The following ARHGAP20 variants were observed in gnomAD, a reference collection of about 807,000 sequenced individuals.
ARHGAP20 encodes rho GTPase-activating protein 20.
A neutral mutation model predicts 73.7 loss-of-function variants in ARHGAP20; 34 were observed. The ratio of observed to expected loss-of-function variants is 0.46; its 90% CI spans 0.35 to 0.61. The LOEUF is 0.61. Ranked by LOEUF, ARHGAP20 falls within the 20% of genes least tolerant of loss-of-function variation. The pLI is 0.00. For missense variants in ARHGAP20, 1,314 were observed against 1,420.9 expected, an observed-to-expected ratio of 0.92 and a Z score of 1.21; for synonymous variants, 523 against 518.2, an observed-to-expected ratio of 1.01 and a Z score of -0.13.
At chr11:110,698,256 C>A (rs1403559202) in intron 1 of ARHGAP20, among the ~76,000 whole-genome samples, 2 of 151,780 alleles carry the variant, frequency 1.3e-5, no homozygotes, top group African/African-American at 2.4e-5. Context: ...ATCATTGCAT[C>A]CCTGGGATAA....
rs996196795 is a variant in ARHGAP20, at chr11:110,691,982, G to C, written c.106-1353C>G. 2.6e-5 allele frequency among the ~76,000 whole-genome samples: 4 copies of C among 152,106 alleles called. No homozygotes were observed. The East Asian group carries it at 5.8e-4, about 22-fold the overall frequency. On this transcript the variant is annotated intron_variant, in intron 1 of 14. Coordinates refer to ENST00000683387, the MANE Select transcript of ARHGAP20 (RefSeq NM_001384657.1). ...CAGGTTACTTATATAAAAATTTTTT[G>C]CATGATGTATATGTGATGTCTTCCT...
chr11:110,600,760 G>T (rs1309972091), intron 9 of ARHGAP20, among the ~76,000 whole-genome samples: 1 of 152,208 alleles, frequency 6.6e-6, no homozygotes, highest in Admixed American at 6.5e-5. Flanking sequence ...TCAGAACTTT[G>T]AATGTCTATA....
chr11:110,672,775 T>C (rs919575872), intron 2 of ARHGAP20, among the ~76,000 whole-genome samples: 2 of 152,234 alleles, frequency 1.3e-5, no homozygotes, highest in Non-Finnish European at 2.9e-5. Flanking sequence ...TCATACATCG[T>C]TGATAGGTAT....
At chr11:110,603,955 A>C (rs764203817) in intron 9 of ARHGAP20, among the ~76,000 whole-genome samples, 1 of 152,166 alleles carries the variant, frequency 6.6e-6, no homozygotes, top group Non-Finnish European at 1.5e-5. Flanking sequence ...ATTCCAACTA[A>C]GTGAAATGTT....
At chr11:110,619,311 TAG>T (rs1257745021) in intron 4 of ARHGAP20, among the ~76,000 whole-genome samples, 1 of 141,108 alleles carries the variant, frequency 7.1e-6, no homozygotes, top group East Asian at 2.1e-4. Context: ...AGCATATATG[TAG>T]AGTGTATGCA....
intron 7 of ARHGAP20, among the ~76,000 whole-genome samples, chr11:110,610,569 G>A (rs751871409): frequency 1.3e-5 from 2 of 152,074 alleles, no homozygotes; most frequent in African/African-American, 4.8e-5. Context: ...ATTGTGTGGT[G>A]TTTATACAAC....
At chr11:110,687,063 CACACACACACACACATATATATAG>C (rs1175207125) in intron 2 of ARHGAP20, among the ~76,000 whole-genome samples, 2 of 100,870 alleles carry the variant, frequency 2.0e-5, no homozygotes, top group African/African-American at 4.6e-5. Flanking sequence ...TATAGACACA[CACACACACACACACATATATATAG>C]ACACACACAC....
chr11:110,667,772 G>A lies in ARHGAP20; in HGVS notation c.188+22775C>T, dbSNP rs567318227. Among the ~76,000 whole-genome samples, 8 of 152,326 alleles carry A rather than the reference G, an allele frequency of 5.3e-5. No homozygotes were observed. In the South Asian group the frequency reaches 1.7e-3, roughly 32 times the overall value. On this transcript the variant is annotated intron_variant, in intron 2 of 14. Transcript: ENST00000683387. The stretch of plus-strand genomic sequence containing the variant: ...CAATATTAATAGGAGTTTGGAAGAA[G>A]TTGATTCCAACCCTCATGGATGACT...
intron 2 of ARHGAP20, among the ~76,000 whole-genome samples, chr11:110,650,730 C>G (rs1949331599): frequency 6.6e-6 from 1 of 151,862 alleles, no homozygotes; most frequent in African/African-American, 2.4e-5. Flanking sequence ...TTCAAGTGAT[C>G]AAAGCATTCT....
rs139471541 is a variant in ARHGAP20, at chr11:110,588,237, T to C, written c.1306-1912A>G. Among the ~76,000 whole-genome samples the C allele has an allele frequency of 8.1e-3, 1,234 of 152,310 alleles. 18 individuals carry two copies. Among genetic ancestry groups the C allele is most frequent in the African/African-American group, 0.028 (1,170 of 41,576 alleles). The stretch of plus-strand genomic sequence containing the variant: ...CACCAGCTCACAGCACTTAGTTGAA[T>C]GTCTCCTCTCCTCCAAAACCAGAGC... On this transcript the variant is annotated intron_variant, in intron 11 of 14. Coordinates refer to ENST00000683387, the MANE Select transcript of ARHGAP20 (RefSeq NM_001384657.1).
chr11:110,582,292 AC>A, intron 14 of ARHGAP20, 28 bp downstream of exon 14: 1 of 1,547,378 alleles, frequency 6.5e-7, no homozygotes, highest in Non-Finnish European at 8.9e-7. Flanking sequence ...TCTGTTTCTC[AC>A]AAAAACCAAT....
chr11:110,675,165 C>T (rs981713915), intron 2 of ARHGAP20, among the ~76,000 whole-genome samples: 2 of 152,162 alleles, frequency 1.3e-5, no homozygotes, highest in Non-Finnish European at 2.9e-5. Flanking sequence ...CCTTGTCTGT[C>T]TTCCAATCAG....
At chr11:110,669,972 C>T (rs1949796499) in intron 2 of ARHGAP20, among the ~76,000 whole-genome samples, 1 of 151,780 alleles carries the variant, frequency 6.6e-6, no homozygotes, top group South Asian at 2.1e-4. Context: ...GCAATAGTAC[C>T]CAGTAATAAA....
intron 3 of ARHGAP20, among the ~76,000 whole-genome samples, chr11:110,626,600 C>G (rs1474981849): frequency 6.6e-6 from 1 of 152,184 alleles, no homozygotes; most frequent in Non-Finnish European, 1.5e-5. Flanking sequence ...ACAGTGTTGA[C>G]TCCTGAGCTT....
chr11:110,652,425 T>C (rs577684984), intron 2 of ARHGAP20, among the ~76,000 whole-genome samples: 5 of 152,220 alleles, frequency 3.3e-5, no homozygotes, highest in Admixed American at 1.3e-4. Flanking sequence ...GGTATTCAGA[T>C]AGGAAGAAAG....
At position 110,581,084 on chromosome 11, in the gene ARHGAP20, C is replaced by T; in HGVS notation, c.1862G>A (p.Ser621Asn). 6.2e-7 allele frequency: 1 copy of T among 1,614,194 alleles called. No homozygotes were observed. Among genetic ancestry groups the T allele is most frequent in the Non-Finnish European group, 8.5e-7 (1 of 1,180,030 alleles). ...CTCGGGCTGGTCAAGATCATAGTCACTGAGGGTTAAGACAGAGTCCATGCT... is the reference window on the plus strand; with the variant it reads ...CTCGGGCTGGTCAAGATCATAGTCATTGAGGGTTAAGACAGAGTCCATGCT... Reference protein sequence around the residue: ...SRSMDSVLTLSDYDLDQPEVE... With the variant: ...SRSMDSVLTLNDYDLDQPEVE... Residue 621 changes from serine to asparagine, a missense_variant, in exon 15 of 15, where the codon AGT becomes AAT. Physicochemically the swap from Ser to Asn is conservative, Grantham distance 46 (BLOSUM62 1). This residue lies in a region of ARHGAP20 where 230 missense variants were observed against 317.6 expected (regional missense o/e 0.72). Coordinates refer to ENST00000683387, the MANE Select transcript of ARHGAP20 (RefSeq NM_001384657.1).
At chr11:110,611,941 C>T (rs1035694954) in intron 6 of ARHGAP20, among the ~76,000 whole-genome samples, 4 of 152,156 alleles carry the variant, frequency 2.6e-5, no homozygotes, top group Admixed American at 6.5e-5. Flanking sequence ...ATGTGTCACA[C>T]ACTGTGGCCA....
chr11:110,597,172 G>A (rs907522575), intron 9 of ARHGAP20, among the ~76,000 whole-genome samples: 3 of 151,082 alleles, frequency 2.0e-5, no homozygotes, highest in Non-Finnish European at 2.9e-5. Flanking sequence ...AAAGCACTGG[G>A]AAATATACCT....
intron 2 of ARHGAP20, among the ~76,000 whole-genome samples, chr11:110,644,923 GAAAC>G (rs983893756): frequency 2.0e-5 from 3 of 151,852 alleles, no homozygotes; most frequent in African/African-American, 7.3e-5. Flanking sequence ...GAATCTATAA[GAAAC>G]AAACAAATCA....
Sources: gnomAD v4.1 joint callset for allele counts (sites outside exome capture counted in the v4.1 genomes callset) on GRCh38, gnomAD v4.1.1 for gene constraint, gnomAD v4.1.1 regional missense constraint, MANE v1.5 for transcripts, NCBI Gene and HGNC (gene_info 2026-07-23, HGNC 2026-07-21) for gene names.